Variants in RYR1 observed in about 807,000 individuals in gnomAD.
RYR1 encodes the protein ryanodine receptor 1, also known as central core disease of muscle.
In RYR1, 342 loss-of-function variants were observed where a neutral mutation model predicts 583.5. The ratio of observed to expected loss-of-function variants is 0.59; its 90% CI spans 0.54 to 0.64. The LOEUF is 0.64. Ranked by LOEUF, RYR1 falls within the 30% of genes least tolerant of loss-of-function variation. The pLI is 0.00. For missense variants in RYR1, 6,032 were observed against 6,917.2 expected (o/e 0.87, Z 4.54); for synonymous variants, 2,791 against 2,822.5 (o/e 0.99, Z 0.35).
Position 38,511,547 on chromosome 19 carries a change from T to G in RYR1, c.9123-14T>G, listed in dbSNP as rs2145659049. ...GCTGTTTCTCCTGCCTTCTGTCCCT[T>G]TCTCTTTCTTCAGCCTCTTCTGCAA... On this transcript the variant is annotated splice_polypyrimidine_tract_variant and intron_variant, in intron 60 of 105. Coordinates refer to ENST00000359596, the MANE Select transcript of RYR1 (RefSeq NM_000540.3). 1 of 1,613,674 alleles carries G rather than the reference T, an allele frequency of 6.2e-7. No homozygotes were observed. The highest frequency in any genetic ancestry group is 8.5e-7 in the Non-Finnish European group (1 of 1,179,984).
In RYR1 at chr19:38,525,389, G is replaced by C. The variant is rs774562136; in HGVS notation, c.10513G>C (p.Val3505Leu). 6.2e-7 allele frequency: 1 copy of C among 1,613,888 alleles called. No individual in the cohort carries two copies. The highest frequency in any genetic ancestry group is 8.5e-7 in the Non-Finnish European group (1 of 1,179,990). The change falls in exon 71 of 106, where the codon GTG (valine) becomes CTG (leucine). Residue 3505 changes from valine to leucine, a missense_variant. By Grantham distance (32) the Val-to-Leu change is conservative. Around this residue, in one of 11 missense-constraint regions of RYR1, gnomAD observed 1,493 missense variants for 1,715.5 expected, o/e 0.87. Coordinates refer to ENST00000359596, the MANE Select transcript of RYR1 (RefSeq NM_000540.3). ...GAAGCGCCGGGGGGACCGGTACTCT[G>C]TGCAGACGTCACTGATCGTGGCCAC... Reference protein sequence around the residue: ...KKKRRGDRYSVQTSLIVATLK... With the variant: ...KKKRRGDRYSLQTSLIVATLK...
chr19:38,507,070 T>C, intron 57 of RYR1, 118 bp downstream of exon 57: 1 of 1,496,048 alleles, frequency 6.7e-7, no homozygotes, highest in East Asian at 2.8e-5. Flanking sequence ...GGAGCAAAGA[T>C]GGAACCAGAG....
At chr19:38,530,825 G>A (rs1239008006) in intron 76 of RYR1, among the ~76,000 whole-genome samples, 1 of 147,484 alleles carries the variant, frequency 6.8e-6, no homozygotes, top group Non-Finnish European at 1.5e-5. Flanking sequence ...TTTTTGAGAC[G>A]GAGTTTTGCT....
At chr19:38,440,690 T>C in intron 1 of RYR1, 55 bp from the exon 2 acceptor site, 1 of 1,595,394 alleles carries the variant, frequency 6.3e-7, no homozygotes, top group Non-Finnish European at 8.6e-7. Context: ...TGGTCTGCAG[T>C]ATTTGTGGTA....
chr19:38,562,336 C>G (rs966208758), intron 90 of RYR1, among the ~76,000 whole-genome samples: 2 of 152,112 alleles, frequency 1.3e-5, no homozygotes, highest in Non-Finnish European at 2.9e-5. Flanking sequence ...CGGCATGTCC[C>G]CAGCAGAGCT....
chr19:38,494,939 G>A (rs1315496525), intron 39 of RYR1, among the ~76,000 whole-genome samples: 1 of 135,526 alleles, frequency 7.4e-6, no homozygotes, highest in East Asian at 2.4e-4. Context: ...TGCAACCTCC[G>A]CCTCCCAGGT....
rs3745846 is a variant in RYR1 at position 38,451,859 on chromosome 19, C to T, written c.1218C>T (p.Thr406=). The change falls in exon 12 of 106, where the codon ACC becomes ACT. Residue 406 remains threonine, a synonymous_variant. Coordinates refer to ENST00000359596, the MANE Select transcript of RYR1 (RefSeq NM_000540.3). ...AGGCCGCCCGCATGATCCACAGCAC[C>T]AATGGCCTATACAACCAGTTCATCA... ...ESQAARMIHS[T]NGLYNQFIKS... is the part of the protein sequence containing the mutation. 7.2e-5 allele frequency: 117 copies of T among 1,614,120 alleles called. No homozygotes were observed. In the East Asian group the frequency reaches 2.6e-3, roughly 36 times the overall value.
intron 87 of RYR1, among the ~76,000 whole-genome samples, chr19:38,544,280 C>T (rs750073133): frequency 1.3e-5 from 2 of 152,166 alleles, no homozygotes; most frequent in African/African-American, 4.8e-5. Flanking sequence ...ATCTTACTTG[C>T]GGCAGATGAC....
chr19:38,518,401 T>TAAA (rs10714494), intron 66 of RYR1, among the ~76,000 whole-genome samples: 3 of 113,800 alleles, frequency 2.6e-5, no homozygotes, highest in South Asian at 2.6e-4. Flanking sequence ...CTCTATTATT[T>TAAA]AAAAAAAAAA....
intron 101 of RYR1, among the ~76,000 whole-genome samples, chr19:38,581,830 A>T (rs1019125635): frequency 2.8e-5 from 4 of 144,916 alleles, no homozygotes; most frequent in African/African-American, 1.0e-4. Flanking sequence ...CTTGTCTCGA[A>T]CTCCTGACCT....
chr19:38,463,024 G>A (rs1179517123), intron 20 of RYR1, among the ~76,000 whole-genome samples: 1 of 143,862 alleles, frequency 7.0e-6, no homozygotes, highest in Non-Finnish European at 1.5e-5. Context: ...AGCCTCCCAA[G>A]TAACTGGGAC....
intron 89 of RYR1, among the ~76,000 whole-genome samples, chr19:38,555,342 C>T (rs1972833823): frequency 6.6e-6 from 1 of 151,332 alleles, no homozygotes; most frequent in African/African-American, 2.4e-5. Flanking sequence ...GTCCTAGCTA[C>T]TTGCGAGGCT....
chr19:38,565,842 G>A lies in RYR1; in HGVS notation c.13437+71G>A. ...TGGAGGGAGGAAGAGAGCCCGGCTG[G>A]GTGGAGACACACACAGAGGAGAGAA... is the stretch of plus-strand genomic sequence containing the variant. On this transcript the variant is annotated intron_variant, in intron 91 of 105. Transcript: ENST00000359596. This position sits in a 1 kb window ranked among gnomAD's most constrained non-coding sequence, Gnocchi z 4.7. The A allele has an allele frequency of 7.4e-7, 1 of 1,345,656 alleles. No homozygotes were observed. Among genetic ancestry groups the A allele is most frequent in the Non-Finnish European group, 9.5e-7 (1 of 1,053,312 alleles). 83.4% of individuals were successfully genotyped at this position (1,345,656 alleles called of 1,614,324 possible). A position where few individuals can be genotyped will look rare whatever the true frequency, so the allele number is the denominator to read the frequency against.
chr19:38,514,979 C>A, intron 63 of RYR1, 47 bp from the exon 64 acceptor site: 2 of 1,384,350 alleles, frequency 1.4e-6, no homozygotes, highest in Non-Finnish European at 1.0e-6. Flanking sequence ...GTGGGGAGGG[C>A]TTGTCTTGTG....
intron 67 of RYR1, among the ~76,000 whole-genome samples, chr19:38,521,029 C>T (rs1971205571): frequency 6.6e-6 from 1 of 152,154 alleles, no homozygotes; most frequent in South Asian, 2.1e-4. Flanking sequence ...AATCCCAGCA[C>T]TTTGAGAGAC....
intron 91 of RYR1, among the ~76,000 whole-genome samples, chr19:38,566,014 G>A (rs1973406809): frequency 6.6e-6 from 1 of 151,984 alleles, no homozygotes; most frequent in Admixed American, 6.5e-5. Flanking sequence ...TGGAGACCTG[G>A]AGAAAGGGCC....
rs1973346022 is a variant in RYR1 at position 38,565,230 on chromosome 19, C to T, written c.12896C>T (p.Ala4299Val). 1.0e-6 allele frequency: 1 copy of T among 989,214 alleles called. No homozygotes were observed. The highest frequency in any genetic ancestry group is 1.2e-6 in the Non-Finnish European group (1 of 834,152). 61.3% of individuals were successfully genotyped at this position (989,214 alleles called of 1,614,324 possible). A position where few individuals can be genotyped will look rare whatever the true frequency, so the allele number is the denominator to read the frequency against. The stretch of plus-strand genomic sequence containing the variant: ...GCGGGGGCGACGGCGCGGGTTGTGG[C>T]GGCCGCAGGCCGGGCCCTGCGAGGC... Reference protein sequence around the residue: ...AAAGATARVVAAAGRALRGLS... With the variant: ...AAAGATARVVVAAGRALRGLS... Residue 4299 changes from alanine to valine, a missense_variant, in exon 91 of 106, where the codon GCG becomes GTG. Physicochemically the swap from Ala to Val is moderately conservative, Grantham distance 64 (BLOSUM62 0). This residue lies in a region of RYR1 where 753 missense variants were observed against 759.6 expected (regional missense o/e 0.99). Transcript: ENST00000359596. This position sits in a 1 kb window ranked among gnomAD's most constrained non-coding sequence, Gnocchi z 4.7.
At chr19:38,474,129 A>G (rs1441965291) in intron 28 of RYR1, among the ~76,000 whole-genome samples, 2 of 152,242 alleles carry the variant, frequency 1.3e-5, no homozygotes, top group Admixed American at 6.5e-5. Context: ...AAGGTATCCC[A>G]GTGAATACCC....
chr19:38,574,505 G>C (rs1474579580), intron 96 of RYR1, among the ~76,000 whole-genome samples: 1 of 151,986 alleles, frequency 6.6e-6, no homozygotes, highest in Non-Finnish European at 1.5e-5. Context: ...GCTAGCGCAT[G>C]CCTGTAGTCT....
Sources: gnomAD v4.1 joint callset for allele counts (sites outside exome capture counted in the v4.1 genomes callset) on GRCh38, gnomAD v4.1.1 for gene constraint, gnomAD v4.1.1 regional missense constraint, Gnocchi (gnomAD v3.1) non-coding constraint, MANE v1.5 for transcripts, NCBI Gene and HGNC (gene_info 2026-07-23, HGNC 2026-07-21) for gene names.